Variants in KCNK2 observed in about 807,000 individuals in gnomAD.
KCNK2 encodes the protein potassium channel subfamily K member 2.
A neutral mutation model predicts 40.5 loss-of-function variants in KCNK2; 21 were observed. The observed-to-expected ratio is 0.52, with a 90% CI of 0.37 to 0.75. The LOEUF (loss-of-function observed/expected upper bound fraction) is 0.75. Ranked by LOEUF, KCNK2 falls within the 30% of genes least tolerant of loss-of-function variation. KCNK2 has a pLI of 0.00. For synonymous variants in KCNK2, 191 were observed against 202.2 expected, an observed-to-expected ratio of 0.94 and a Z score of 0.47; for missense variants, 399 against 531.6, an observed-to-expected ratio of 0.75 and a Z score of 2.45.
At chr1:215,058,023 T>C (rs1395699765) in intron 1 of KCNK2, among the ~76,000 whole-genome samples, 1 of 151,920 alleles carries the variant, frequency 6.6e-6, no homozygotes, top group Non-Finnish European at 1.5e-5. Flanking sequence ...AATAAAGAGA[T>C]GGAGAAGCAG....
chr1:215,152,829 T>C (rs963510711), intron 3 of KCNK2, among the ~76,000 whole-genome samples: 3 of 150,644 alleles, frequency 2.0e-5, no homozygotes, highest in Non-Finnish European at 4.4e-5. Context: ...CTCCCACATG[T>C]TTAGTCAGAG....
chr1:215,224,576 G>A (rs1244665572), intron 6 of KCNK2, among the ~76,000 whole-genome samples: 3 of 151,648 alleles, frequency 2.0e-5, no homozygotes, highest in African/African-American at 7.3e-5. Context: ...AAACTGAAAA[G>A]ACTGAAAATT....
chr1:215,116,720 AAAT>A, intron 2 of KCNK2, among the ~76,000 whole-genome samples: 1 of 152,218 alleles, frequency 6.6e-6, no homozygotes, highest in Admixed American at 6.5e-5. Flanking sequence ...CTTCTGTAGA[AAAT>A]AATATCCCTT....
chr1:215,020,198 T>G (rs1174347363), intron 1 of KCNK2, among the ~76,000 whole-genome samples: 1 of 152,330 alleles, frequency 6.6e-6, no homozygotes, highest in African/African-American at 2.4e-5. Flanking sequence ...GGCTTTGTGC[T>G]GTGAACTCTG....
chr1:215,090,829 G>A (rs1282780652), intron 2 of KCNK2, among the ~76,000 whole-genome samples: 1 of 152,176 alleles, frequency 6.6e-6, no homozygotes, highest in East Asian at 1.9e-4. Flanking sequence ...AAGGTCATCT[G>A]GTGGCCTCAG....
At chr1:215,022,938 A>T (rs1296753871) in intron 1 of KCNK2, among the ~76,000 whole-genome samples, 1 of 152,206 alleles carries the variant, frequency 6.6e-6, no homozygotes, top group Admixed American at 6.5e-5. Flanking sequence ...AATCTAAAAG[A>T]GACTTTATTA....
At chr1:215,198,462 C>T (rs568327193) in intron 6 of KCNK2, among the ~76,000 whole-genome samples, 1 of 152,198 alleles carries the variant, frequency 6.6e-6, no homozygotes, top group Admixed American at 6.5e-5. Context: ...ATTATCATGG[C>T]CAAAGTTTTT....
chr1:215,177,085 A>G (rs888031628), intron 5 of KCNK2, among the ~76,000 whole-genome samples: 4 of 152,104 alleles, frequency 2.6e-5, no homozygotes, highest in Non-Finnish European at 4.4e-5. Flanking sequence ...TTCTCTAATG[A>G]TCACTGATGT....
chr1:215,034,851 T>C (rs1227537664), intron 1 of KCNK2, among the ~76,000 whole-genome samples: 1 of 152,176 alleles, frequency 6.6e-6, no homozygotes, highest in East Asian at 1.9e-4. Flanking sequence ...TCTATGTTTC[T>C]GTATCTACTT....
chr1:215,096,285 C>G lies in KCNK2; in HGVS notation c.357+9607C>G, dbSNP rs61818305. Among the ~76,000 whole-genome samples, 1,463 of 151,424 alleles carry G rather than the reference C, an allele frequency of 9.7e-3. 23 individuals carry two copies. The highest frequency in any genetic ancestry group is 0.06 in the South Asian group (290 of 4,794). On this transcript the variant is annotated intron_variant, in intron 2 of 6. Coordinates refer to ENST00000444842, the MANE Select transcript of KCNK2 (RefSeq NM_001017425.3). ...ACGTATGCATGCCATTTTGCTGTCT[C>G]CATTTTTCAATTACCATTGTTAGGG...
chr1:215,117,849 T>C (rs1345009764), intron 2 of KCNK2, among the ~76,000 whole-genome samples: 1 of 152,104 alleles, frequency 6.6e-6, no homozygotes, highest in Non-Finnish European at 1.5e-5. Flanking sequence ...GTAAAGAAGA[T>C]GGGTCTAGTA....
At chr1:215,144,336 T>G (rs1009267992) in intron 3 of KCNK2, among the ~76,000 whole-genome samples, 2 of 152,116 alleles carry the variant, frequency 1.3e-5, no homozygotes, top group African/African-American at 4.8e-5. Context: ...GATGTAGCCT[T>G]TCATCTAAAT....
chr1:215,207,162 G>A (rs906574112), intron 6 of KCNK2, among the ~76,000 whole-genome samples: 3 of 152,174 alleles, frequency 2.0e-5, no homozygotes, highest in Non-Finnish European at 4.4e-5. Flanking sequence ...CCCCTGGGCT[G>A]AAGACCAGTA....
intron 1 of KCNK2, among the ~76,000 whole-genome samples, chr1:215,054,622 A>C (rs1658095719): frequency 6.6e-6 from 1 of 152,278 alleles, no homozygotes; most frequent in South Asian, 2.1e-4. Context: ...CAGAGGGAAA[A>C]GTTTGCAAGT....
At chr1:215,006,788 A>G (rs185900043) in intron 1 of KCNK2, among the ~76,000 whole-genome samples, 1 of 151,850 alleles carries the variant, frequency 6.6e-6, no homozygotes, top group Non-Finnish European at 1.5e-5. Flanking sequence ...GCAGGGTTTA[A>G]TTTTATGAAT....
chr1:215,235,180 G>A lies in KCNK2; in HGVS notation c.*35G>A, dbSNP rs1354992823. 1 of 1,541,248 alleles carries A rather than the reference G, an allele frequency of 6.5e-7. No individual in the cohort carries two copies. Among genetic ancestry groups the A allele is most frequent in the African/African-American group, 1.4e-5 (1 of 73,526 alleles). ...TAAATAACCTTAGGCATAGCCATAG[G>A]TGAGGACTTCTCTATGCTCTTTATG... On this transcript the variant is annotated 3_prime_UTR_variant, in exon 7 of 7. Transcript: ENST00000444842.
At chr1:215,169,871 C>T (rs1025813289) in intron 4 of KCNK2, among the ~76,000 whole-genome samples, 8 of 152,046 alleles carry the variant, frequency 5.3e-5, no homozygotes, top group Non-Finnish European at 1.5e-5. Flanking sequence ...ATCTTGAACT[C>T]CCGACCTCCA....
intron 5 of KCNK2, among the ~76,000 whole-genome samples, chr1:215,174,733 A>T (rs985360216): frequency 1.3e-5 from 2 of 152,124 alleles, no homozygotes; most frequent in African/African-American, 4.8e-5. Flanking sequence ...CTTTGAAGCA[A>T]TTGTGAATGG....
At chr1:215,078,454 T>A (rs1281938044), upstream of KCNK2, among the ~76,000 whole-genome samples, 1 of 152,164 alleles carries the variant, frequency 6.6e-6, no homozygotes, top group African/African-American at 2.4e-5. Flanking sequence ...TTAGGAAACT[T>A]ACAGTCATGG....
Sources: allele counts gnomAD v4.1 joint callset (sites outside exome capture counted in the v4.1 genomes callset), GRCh38; gene constraint gnomAD v4.1.1; transcripts MANE v1.5; gene names NCBI Gene and HGNC (gene_info 2026-07-23, HGNC 2026-07-21).